The following USP46 variants were observed in gnomAD, a reference collection of about 807,000 sequenced individuals.
The protein encoded by USP46 is ubiquitin specific peptidase 46.
Under a neutral mutation model 44.4 loss-of-function variants are expected in USP46, and 12 were observed. That is an observed-to-expected ratio of 0.27 (90% CI 0.17 to 0.44). The LOEUF is 0.44. USP46 is among the 20% of genes least tolerant of loss of function. USP46 has a pLI of 1.00. For synonymous variants in USP46, 155 were observed against 161.5 expected (o/e 0.96, Z 0.31); for missense variants, 248 against 444.8 (o/e 0.56, Z 3.98).
intron 3 of USP46, among the ~76,000 whole-genome samples, chr4:52,627,733 T>C (rs1191562521): frequency 2.6e-5 from 4 of 152,258 alleles, no homozygotes; most frequent in Non-Finnish European, 5.9e-5. Flanking sequence ...TAAATTGGAA[T>C]AATAAATGTG....
rs1291177970 is a variant in USP46, at chr4:52,597,569, G to C, written c.*71C>G. The C allele has an allele frequency of 1.9e-6, 2 of 1,063,994 alleles. No homozygotes were observed. The highest frequency in any genetic ancestry group is 2.8e-6 in the Non-Finnish European group (2 of 715,620). The allele number at this position is 1,063,994 out of a possible 1,614,324, so 65.9% of individuals were successfully genotyped here. A position where few individuals can be genotyped will look rare whatever the true frequency, so the allele number is the denominator to read the frequency against. Reference sequence around the variant, plus strand: ...TAGTGGGCCACTGGGGAAGAGGAAAGCCTGCGGAGAAGCCGGGTGACAGTG... The same window carrying C: ...TAGTGGGCCACTGGGGAAGAGGAAACCCTGCGGAGAAGCCGGGTGACAGTG... On this transcript the variant is annotated 3_prime_UTR_variant, in exon 9 of 9. Transcript: ENST00000441222.
chr4:52,653,220 T>C (rs1185653339), intron 1 of USP46, among the ~76,000 whole-genome samples: 1 of 152,108 alleles, frequency 6.6e-6, no homozygotes, highest in Non-Finnish European at 1.5e-5. Context: ...AAGAATGTTT[T>C]CGTGGCAGGG....
At chr4:52,654,065 T>C (rs1407267914) in intron 1 of USP46, among the ~76,000 whole-genome samples, 1 of 152,216 alleles carries the variant, frequency 6.6e-6, no homozygotes, top group African/African-American at 2.4e-5. Flanking sequence ...TTGTTTTCTC[T>C]GAGGAGTCCA....
Position 52,597,599 on chromosome 4 carries a change from G to A in USP46, c.*41C>T, listed in dbSNP as rs1716296265. On this transcript the variant is annotated 3_prime_UTR_variant, in exon 9 of 9. Coordinates refer to ENST00000441222, the MANE Select transcript of USP46 (RefSeq NM_022832.4). ...CGGAGAAGCCGGGTGACAGTGCTGT[G>A]AACATTCTCCCCACGTGAATCAGTC... 1.4e-6 allele frequency: 2 copies of A among 1,416,688 alleles called. No homozygotes were observed. Among genetic ancestry groups the A allele is most frequent in the African/African-American group, 1.4e-5 (1 of 70,232 alleles). The allele number at this position is 1,416,688 out of a possible 1,614,324, so 87.8% of individuals were successfully genotyped here.
Position 52,592,537 on chromosome 4 carries a change from G to A in USP46, c.*5103C>T, listed in dbSNP as rs1027143417. Reference sequence around the variant, plus strand: ...CTGCCTCATGACTGAGTTCTCACGAGATCTGGTTGTTTAAAAGTGTGTAAC... The same window carrying A: ...CTGCCTCATGACTGAGTTCTCACGAAATCTGGTTGTTTAAAAGTGTGTAAC... On this transcript the variant is annotated 3_prime_UTR_variant, in exon 9 of 9. Transcript: ENST00000441222. 2 of 201,672 alleles carry A rather than the reference G, an allele frequency of 9.9e-6. No individual in the cohort carries two copies. The highest frequency in any genetic ancestry group is 2.0e-5 in the Non-Finnish European group (2 of 100,814). The allele number at this position is 201,672 out of a possible 1,614,324, so 12.5% of individuals were successfully genotyped here.
rs74931782 is a variant in USP46 at position 52,635,080 on chromosome 4, CT to C, written c.37-3937del. Among the ~76,000 whole-genome samples, 1,280 of 135,370 alleles carry C rather than the reference CT, an allele frequency of 9.5e-3. 17 individuals carry two copies. The highest frequency in any genetic ancestry group is 0.026 in the African/African-American group (963 of 36,992). 88.8% of individuals were successfully genotyped at this position (135,370 alleles called of 152,430 possible). On this transcript the variant is annotated intron_variant, in intron 1 of 8. Transcript: ENST00000441222. The stretch of plus-strand genomic sequence containing the variant: ...TGTCAGCTGGCTGCTTCTACTTCTT[CT>C]TTTTTTTTTTTTTTTTGCCTCCTTA...
At chr4:52,653,573 T>C (rs1718848408) in intron 1 of USP46, among the ~76,000 whole-genome samples, 2 of 151,498 alleles carry the variant, frequency 1.3e-5, no homozygotes, top group South Asian at 4.2e-4. Flanking sequence ...CACCAAGGCC[T>C]TTCAAACCCT....
At chr4:52,651,471 T>C (rs1345387911) in intron 1 of USP46, among the ~76,000 whole-genome samples, 1 of 152,122 alleles carries the variant, frequency 6.6e-6, no homozygotes, top group East Asian at 1.9e-4. Context: ...ACCATACATT[T>C]CTTTGTTTAA....
rs1553891310 is a variant in USP46 at position 52,632,990 on chromosome 4, A to AAG, written c.37-1847_37-1846insCT. On this transcript the variant is annotated intron_variant, in intron 1 of 8. Transcript: ENST00000441222. ...AAAGAAAGAAAGAAAGAAAGAAAAGAAAAGAAAGAAAGAAAGAAAGAAAGA... is the reference window on the plus strand; with the variant it reads ...AAAGAAAGAAAGAAAGAAAGAAAAGAAGAAAGAAAGAAAGAAAGAAAGAAAGA... 2.7e-3 allele frequency among the ~76,000 whole-genome samples: 182 copies of AAG among 66,344 alleles called. 4 individuals carry two copies. Among genetic ancestry groups the AAG allele is most frequent in the Non-Finnish European group, 4.7e-3 (154 of 33,054 alleles). 43.5% of individuals were successfully genotyped at this position (66,344 alleles called of 152,430 possible).
intron 1 of USP46, among the ~76,000 whole-genome samples, chr4:52,632,496 A>G (rs1052947863): frequency 2.6e-5 from 4 of 152,142 alleles, no homozygotes; most frequent in Non-Finnish European, 5.9e-5. Flanking sequence ...GAAACTCAAG[A>G]CTTAAGAGAC....
intron 4 of USP46, among the ~76,000 whole-genome samples, chr4:52,623,145 A>G (rs1004269639): frequency 1.3e-5 from 2 of 152,172 alleles, no homozygotes; most frequent in African/African-American, 4.8e-5. Context: ...GAGGAAGAAA[A>G]GTATCTTAAG....
In USP46 at chr4:52,629,867, A is replaced by T. The variant is rs918003810; in HGVS notation, c.117+1197T>A. On this transcript the variant is annotated intron_variant, in intron 2 of 8. Transcript: ENST00000441222. ...AGAGAGTGCAAGTGACTTGCCCAAGATCACACAAGCTAGGGAGTAGCACAG... is the reference window on the plus strand; with the variant it reads ...AGAGAGTGCAAGTGACTTGCCCAAGTTCACACAAGCTAGGGAGTAGCACAG... Among the ~76,000 whole-genome samples the T allele has an allele frequency of 1.3e-5, 2 of 152,164 alleles. 1 individual carries two copies. The highest frequency in any genetic ancestry group is 4.1e-4 in the South Asian group (2 of 4,822).
chr4:52,643,586 A>G (rs570568818), intron 1 of USP46, among the ~76,000 whole-genome samples: 7 of 152,226 alleles, frequency 4.6e-5, no homozygotes, highest in Non-Finnish European at 2.9e-5. Flanking sequence ...AAGGGCAGCA[A>G]TTAGGTCTGA....
chr4:52,598,471 A>G, intron 8 of USP46, 157 bp downstream of exon 8: 1 of 693,526 alleles, frequency 1.4e-6, no homozygotes, highest in Non-Finnish European at 2.5e-6. Flanking sequence ...TCCATGGAGC[A>G]TGGGGATTAG....
intron 1 of USP46, among the ~76,000 whole-genome samples, chr4:52,643,017 G>C (rs1440112570): frequency 1.3e-5 from 2 of 152,124 alleles, no homozygotes; most frequent in African/African-American, 4.8e-5. Context: ...TTATCTCTTG[G>C]ATTATTGCAG....
At chr4:52,600,683 T>C (rs1716433482) in intron 7 of USP46, among the ~76,000 whole-genome samples, 1 of 151,400 alleles carries the variant, frequency 6.6e-6, no homozygotes, top group Non-Finnish European at 1.5e-5. Flanking sequence ...GGCCCTCCTG[T>C]CCACACCACC....
At chr4:52,628,566 T>A (rs1467884542) in intron 2 of USP46, among the ~76,000 whole-genome samples, 1 of 152,144 alleles carries the variant, frequency 6.6e-6, no homozygotes, top group Non-Finnish European at 1.5e-5. Flanking sequence ...AAAACTCCCA[T>A]GACAGGGAAA....
chr4:52,618,776 G>C (rs1009136252), intron 4 of USP46, among the ~76,000 whole-genome samples: 2 of 152,138 alleles, frequency 1.3e-5, no homozygotes, highest in African/African-American at 4.8e-5. Flanking sequence ...AATCTCCACT[G>C]AGTATCACAC....
chr4:52,596,005 C>A lies in USP46; in HGVS notation c.*1635G>T, dbSNP rs1219052108. On this transcript the variant is annotated 3_prime_UTR_variant, in exon 9 of 9. Transcript: ENST00000441222. ...GTATAAAACAATAACATGAAGATCA[C>A]CCTGTTTTGTCTTCTCCAGTGAAAA... The A allele has an allele frequency of 6.6e-6, 1 of 152,586 alleles. No individual in the cohort carries two copies. Among genetic ancestry groups the A allele is most frequent in the African/African-American group, 2.4e-5 (1 of 41,438 alleles). The allele number at this position is 152,586 out of a possible 1,614,324, so 9.5% of individuals were successfully genotyped here.
Sources: allele counts gnomAD v4.1 joint callset (sites outside exome capture counted in the v4.1 genomes callset), GRCh38; gene constraint gnomAD v4.1.1; transcripts MANE v1.5; gene names NCBI Gene and HGNC (gene_info 2026-07-23, HGNC 2026-07-21).